The following SYTL2 variants were observed in gnomAD, a reference collection of about 807,000 sequenced individuals.
SYTL2 encodes synaptotagmin like 2.
SYTL2 carries 165 observed loss-of-function variants against 198.7 expected under a neutral mutation model. The observed-to-expected ratio is 0.83, with a 90% CI of 0.73 to 0.94. The LOEUF (loss-of-function observed/expected upper bound fraction) is 0.94. Ranked by LOEUF, SYTL2 falls within the 40% of genes least tolerant of loss-of-function variation. SYTL2 has a pLI of 0.00. For missense variants in SYTL2, 2,835 were observed against 2,582.8 expected (o/e 1.10, Z -2.12); for synonymous variants, 966 against 917.7 (o/e 1.05, Z -0.95).
chr11:85,726,166 T>C lies in SYTL2; in HGVS notation c.3192A>G (p.Pro1064=). The C allele has an allele frequency of 1.2e-6, 2 of 1,614,074 alleles. No homozygotes were observed. Among genetic ancestry groups the C allele is most frequent in the Non-Finnish European group, 1.7e-6 (2 of 1,179,956 alleles). The change falls in exon 8 of 20, where the codon CCA becomes CCG. Residue 1064 remains proline, a synonymous_variant. Transcript: ENST00000359152. ...LNSKGILQVL[P]DEITFPLSPL... is the part of the protein sequence containing the mutation. ...GACTCAAAGGAAATGTGATTTCATCTGGTAGCACCTGGAGTATGCCCTTTG... is the reference window on the plus strand; with the variant it reads ...GACTCAAAGGAAATGTGATTTCATCCGGTAGCACCTGGAGTATGCCCTTTG...
chr11:85,706,922 C>T (rs2085267393), intron 15 of SYTL2, among the ~76,000 whole-genome samples: 1 of 152,004 alleles, frequency 6.6e-6, no homozygotes, highest in African/African-American at 2.4e-5. Flanking sequence ...CTCACTGCAA[C>T]CTCCGCCTCC....
At chr11:85,823,138 TA>T in the SYTL2 span, among the ~76,000 whole-genome samples, 1 of 152,260 alleles carries the variant, frequency 6.6e-6, no homozygotes, top group South Asian at 2.1e-4. Flanking sequence ...GAGCCTCCAC[TA>T]GAATATAAGT....
chr11:85,747,895 T>C (rs1414339647), intron 3 of SYTL2, among the ~76,000 whole-genome samples: 2 of 152,246 alleles, frequency 1.3e-5, no homozygotes, highest in Non-Finnish European at 2.9e-5. Context: ...TACTACCATA[T>C]GTTAAGATCA....
rs906831317 is a variant in SYTL2 at position 85,782,492 on chromosome 11, C to G, written c.-389-24378G>C. 3.9e-5 allele frequency among the ~76,000 whole-genome samples: 6 copies of G among 152,222 alleles called. No individual in the cohort carries two copies. In the South Asian group the frequency reaches 1.2e-3, roughly 32 times the overall value. On this transcript the variant is annotated intron_variant, in intron 1 of 19. Coordinates refer to ENST00000359152, the MANE Select transcript of SYTL2 (RefSeq NM_206927.4). ...AACATTTGGTTCCTCATTACTTATG[C>G]AAATGTATGCAGCCAGCTTGAATTT...
Position 85,709,518 on chromosome 11 carries a change from A to T in SYTL2, c.5746-18T>A. On this transcript the variant is annotated intron_variant, in intron 13 of 19. Transcript: ENST00000359152. ...CCACTCACCTGAAAGCATCAGAAAT[A>T]CATAGTGTTTGTCTCTATCTCATTC... 6.2e-7 allele frequency: 1 copy of T among 1,611,410 alleles called. No individual in the cohort carries two copies. The highest frequency in any genetic ancestry group is 8.5e-7 in the Non-Finnish European group (1 of 1,178,798).
chr11:85,826,159 C>G, the SYTL2 span, among the ~76,000 whole-genome samples: 3,412 of 152,310 alleles, frequency 0.022, 107 homozygotes, highest in African/African-American at 0.076. Context: ...GGCCCCACCC[C>G]AGACCTATAA....
chr11:85,780,637 T>C (rs1420113894), intron 1 of SYTL2, among the ~76,000 whole-genome samples: 1 of 152,254 alleles, frequency 6.6e-6, no homozygotes, highest in African/African-American at 2.4e-5. Flanking sequence ...TCCCATACTT[T>C]GCCCTATGCA....
At chr11:85,697,830 T>C (rs2083627943) in intron 18 of SYTL2, 149 bp downstream of exon 18, 14 of 590,162 alleles carry the variant, frequency 2.4e-5, no homozygotes, top group Admixed American at 1.3e-4. Flanking sequence ...GTTCATGATA[T>C]AGATTCCTCC....
Position 85,711,186 on chromosome 11 carries a change from A to G in SYTL2, c.5672T>C (p.Leu1891Pro). The change falls in exon 13 of 20, where the codon CTC becomes CCC. Residue 1891 changes from leucine (L) to proline (P), a missense_variant. Transcript: ENST00000359152. Reference protein sequence around the residue: ...TDTASESSYQLSRHKKSPSSL... With the variant: ...TDTASESSYQPSRHKKSPSSL... ...GCTCGGGCTCTTCTTGTGTCTGCTG[A>G]GCTGGTAACTGCTTTCTGATGCTGT... 6.2e-7 allele frequency: 1 copy of G among 1,614,076 alleles called. No homozygotes were observed. Among genetic ancestry groups the G allele is most frequent in the Non-Finnish European group, 8.5e-7 (1 of 1,179,958 alleles).
chr11:85,723,998 A>T, intron 8 of SYTL2, 34 bp downstream of exon 8: 1 of 1,273,456 alleles, frequency 7.9e-7, no homozygotes, highest in Non-Finnish European at 1.0e-6. Context: ...CATAAAGCAG[A>T]CTCACTGTGA....
chr11:85,709,127 C>T (rs930647704), intron 14 of SYTL2, among the ~76,000 whole-genome samples: 6 of 152,074 alleles, frequency 3.9e-5, no homozygotes, highest in Admixed American at 6.5e-5. Flanking sequence ...CGTGAGCCAC[C>T]GTGCCCGGCC....
At chr11:85,733,186 G>GT (rs1479181616) in intron 7 of SYTL2, among the ~76,000 whole-genome samples, 1 of 152,160 alleles carries the variant, frequency 6.6e-6, no homozygotes, top group Non-Finnish European at 1.5e-5. Flanking sequence ...CACTAAGAAA[G>GT]TGAAGGTTCT....
intron 1 of SYTL2, among the ~76,000 whole-genome samples, chr11:85,774,311 T>C (rs1207501922): frequency 6.6e-6 from 1 of 152,206 alleles, no homozygotes; most frequent in Non-Finnish European, 1.5e-5. Context: ...ATCACCCGCA[T>C]TTTATCAATG....
chr11:85,737,774 A>G (rs1200827165), intron 4 of SYTL2, 118 bp from the exon 5 acceptor site: 4 of 777,934 alleles, frequency 5.1e-6, no homozygotes, highest in African/African-American at 1.7e-5. Context: ...CAGAAGAATA[A>G]GAAGGATTCT....
chr11:85,779,622 T>A (rs1170601952), intron 1 of SYTL2, among the ~76,000 whole-genome samples: 3 of 140,132 alleles, frequency 2.1e-5, no homozygotes, highest in Non-Finnish European at 4.7e-5. Flanking sequence ...ATGGAACAGA[T>A]AAAACTCATC....
In SYTL2 at chr11:85,714,480, T is replaced by A; in HGVS notation, c.5558A>T (p.Asn1853Ile). 1 of 1,613,614 alleles carries A rather than the reference T, an allele frequency of 6.2e-7. No individual in the cohort carries two copies. The highest frequency in any genetic ancestry group is 8.5e-7 in the Non-Finnish European group (1 of 1,179,576). The change falls in exon 12 of 20, where the codon AAT becomes ATT. Residue 1853 changes from asparagine to isoleucine, a missense_variant. By Grantham distance (149) the Asn-to-Ile change is moderately radical. Transcript: ENST00000359152. ...GAGTTTGTCAGGGTGAGAAAATGGA[T>A]TATCAGGTTGTGTAGGCACTGTGGA... Reference protein sequence around the residue: ...RISTVPTQPDNPFSHPDKLKR... With the variant: ...RISTVPTQPDIPFSHPDKLKR...
At position 85,724,984 on chromosome 11, in the gene SYTL2, G is replaced by A. The variant is rs571588708; in HGVS notation, c.4374C>T (p.Asp1458=). 5.9e-5 allele frequency: 95 copies of A among 1,613,928 alleles called. 1 individual carries two copies. Among genetic ancestry groups the A allele is most frequent in the South Asian group, 1.1e-4 (10 of 91,016 alleles). Reference sequence around the variant, plus strand: ...TGGAAGCAAATGAGCTAAGCGTCTGGTCTGATGGAGACATTTGGGCAGCTA... The same window carrying A: ...TGGAAGCAAATGAGCTAAGCGTCTGATCTGATGGAGACATTTGGGCAGCTA... ...SYLAAQMSPS[D]QTLSSFASIV... is the part of the protein sequence containing the mutation. Residue 1458 remains aspartate (D), a synonymous_variant, in exon 8 of 20, where the codon GAC becomes GAT. Coordinates refer to ENST00000359152, the MANE Select transcript of SYTL2 (RefSeq NM_206927.4).
intron 10 of SYTL2, chr11:85,718,262 T>G (rs1366757499): frequency 6.0e-6 from 1 of 165,686 alleles, no homozygotes; most frequent in East Asian, 1.7e-4. Flanking sequence ...TTCAAGATCT[T>G]CTGGCTCCAT....
rs374383178 is a variant in SYTL2 at position 85,737,695 on chromosome 11, C to T, written c.390-39G>A. On this transcript the variant is annotated intron_variant, in intron 4 of 19. Transcript: ENST00000359152. ...AATAATTCAGAGAATAAAACCTCAC[C>T]TTTTGAGGAATCATAAATTATGCCT... 2.5e-5 allele frequency: 39 copies of T among 1,547,236 alleles called. No homozygotes were observed. The African/African-American group carries it at 5.2e-4, about 21-fold the overall frequency.
Sources: gnomAD v4.1 joint callset for allele counts (sites outside exome capture counted in the v4.1 genomes callset) on GRCh38, gnomAD v4.1.1 for gene constraint, MANE v1.5 for transcripts, NCBI Gene and HGNC (gene_info 2026-07-23, HGNC 2026-07-21) for gene names.